EXOC6B: variants seen among roughly 807,000 people sequenced by gnomAD.
EXOC6B encodes the protein SEC15 homolog B.
A neutral mutation model predicts 113.5 loss-of-function variants in EXOC6B; 54 were observed. That is an observed-to-expected ratio of 0.48 (90% CI 0.38 to 0.60). EXOC6B has a LOEUF of 0.60. Among genes scored for constraint, EXOC6B ranks in the 20% least tolerant of loss-of-function variants. The pLI is 0.00. For missense variants in EXOC6B, 797 were observed against 977.5 expected, an observed-to-expected ratio of 0.82 and a Z score of 2.46; for synonymous variants, 357 against 339.0, an observed-to-expected ratio of 1.05 and a Z score of -0.58.
chr2:72,417,615 CTTTAA>C lies in EXOC6B; in HGVS notation c.1981-37750_1981-37746del, dbSNP rs571439796. Among the ~76,000 whole-genome samples, 393 of 152,246 alleles carry C rather than the reference CTTTAA, an allele frequency of 2.6e-3. 3 individuals carry two copies. Among genetic ancestry groups the C allele is most frequent in the African/African-American group, 8.2e-3 (342 of 41,562 alleles). ...TCTGTTATTAGTTATCCAGCATACT[CTTTAA>C]TTTTAGATTATAGTATTTTGCACAT... is the stretch of plus-strand genomic sequence containing the variant. On this transcript the variant is annotated intron_variant, in intron 18 of 21. Coordinates refer to ENST00000272427, the MANE Select transcript of EXOC6B (RefSeq NM_015189.3).
chr2:72,680,442 AG>A (rs1387248764), intron 6 of EXOC6B, among the ~76,000 whole-genome samples: 1 of 152,216 alleles, frequency 6.6e-6, no homozygotes, highest in Non-Finnish European at 1.5e-5. Context: ...CTAACAGATA[AG>A]AAGCATTTTG....
intron 1 of EXOC6B, among the ~76,000 whole-genome samples, chr2:72,815,967 T>C (rs1394701848): frequency 6.6e-6 from 1 of 152,144 alleles, no homozygotes; most frequent in Non-Finnish European, 1.5e-5. Context: ...AAAACCAGCC[T>C]GGCCAATATG....
intron 2 of EXOC6B, among the ~76,000 whole-genome samples, chr2:72,735,557 G>A (rs571305291): frequency 4.6e-5 from 7 of 152,290 alleles, no homozygotes; most frequent in East Asian, 1.9e-4. Flanking sequence ...GCTCACACCT[G>A]TAAGCCTAGC....
intron 20 of EXOC6B, among the ~76,000 whole-genome samples, chr2:72,271,020 C>T (rs1444121129): frequency 6.6e-6 from 1 of 152,124 alleles, no homozygotes; most frequent in African/African-American, 2.4e-5. Context: ...TTCTCAAGTA[C>T]ATAATTGCTT....
intron 18 of EXOC6B, among the ~76,000 whole-genome samples, chr2:72,398,091 T>C (rs983204087): frequency 2.6e-5 from 4 of 152,188 alleles, no homozygotes; most frequent in Admixed American, 2.0e-4. Flanking sequence ...AGATTAACAT[T>C]TGAATCAGTA....
At chr2:72,590,802 T>A (rs140764739) in intron 6 of EXOC6B, among the ~76,000 whole-genome samples, 99 of 152,112 alleles carry the variant, frequency 6.5e-4, no homozygotes, top group African/African-American at 2.3e-3. Flanking sequence ...AGAAGTGTCA[T>A]AGGAAAATGG....
At chr2:72,795,070 T>C (rs1684871136) in intron 1 of EXOC6B, among the ~76,000 whole-genome samples, 1 of 152,190 alleles carries the variant, frequency 6.6e-6, no homozygotes, top group South Asian at 2.1e-4. Flanking sequence ...CATACTTTTT[T>C]GTCATTTCAC....
intron 6 of EXOC6B, among the ~76,000 whole-genome samples, chr2:72,654,429 G>A (rs1674444298): frequency 6.6e-6 from 1 of 152,192 alleles, no homozygotes; most frequent in African/African-American, 2.4e-5. Flanking sequence ...AGCAGGGTTA[G>A]ACAAGACAAA....
At chr2:72,694,830 T>A (rs531654149) in intron 6 of EXOC6B, among the ~76,000 whole-genome samples, 1 of 152,338 alleles carries the variant, frequency 6.6e-6, no homozygotes, top group East Asian at 1.9e-4. Context: ...GCAAGACATT[T>A]TCTCTGTATG....
At chr2:72,547,472 A>G (rs1036192403) in intron 8 of EXOC6B, among the ~76,000 whole-genome samples, 1 of 152,220 alleles carries the variant, frequency 6.6e-6, no homozygotes, top group African/African-American at 2.4e-5. Flanking sequence ...GATGATGTAC[A>G]TAGCTGAGAT....
chr2:72,250,840 TTTTG>T (rs1340526567), intron 20 of EXOC6B, among the ~76,000 whole-genome samples: 1 of 151,890 alleles, frequency 6.6e-6, no homozygotes, highest in Non-Finnish European at 1.5e-5. Flanking sequence ...TTACTTGGGT[TTTTG>T]TTTGTTTGTT....
intron 18 of EXOC6B, among the ~76,000 whole-genome samples, chr2:72,387,972 A>C (rs910778123): frequency 6.6e-6 from 1 of 152,052 alleles, no homozygotes; most frequent in African/African-American, 2.4e-5. Context: ...ATTTTCCTCT[A>C]AGCTAGCAGT....
intron 5 of EXOC6B, among the ~76,000 whole-genome samples, chr2:72,723,563 A>T (rs753361076): frequency 1.8e-4 from 28 of 152,298 alleles, no homozygotes; most frequent in Non-Finnish European, 3.1e-4. Context: ...TTTAAAATTC[A>T]GAGTATGATA....
intron 19 of EXOC6B, among the ~76,000 whole-genome samples, chr2:72,345,035 G>C (rs1689248455): frequency 6.6e-6 from 1 of 152,046 alleles, no homozygotes; most frequent in Admixed American, 6.6e-5. Flanking sequence ...GCTCCCATAA[G>C]CTGTGGGTAA....
intron 20 of EXOC6B, among the ~76,000 whole-genome samples, chr2:72,267,910 A>T (rs185782818): frequency 1.5e-4 from 23 of 152,302 alleles, no homozygotes; most frequent in African/African-American, 5.5e-4. Context: ...TTCTAGGTAT[A>T]CTTCTAGGTA....
At chr2:72,462,345 G>T (rs1404244238) in intron 18 of EXOC6B, 1 of 152,060 alleles carries the variant, frequency 6.6e-6, no homozygotes, top group African/African-American at 2.4e-5. Context: ...TGAATTTTTA[G>T]TATGTTCTAT....
At chr2:72,816,514 G>A (rs1405593062) in intron 1 of EXOC6B, among the ~76,000 whole-genome samples, 6 of 152,032 alleles carry the variant, frequency 3.9e-5, no homozygotes, top group Non-Finnish European at 7.4e-5. Context: ...AACAACAAAC[G>A]AATAAAATGG....
chr2:72,555,511 G>A (rs1417858264), intron 8 of EXOC6B, among the ~76,000 whole-genome samples: 1 of 152,222 alleles, frequency 6.6e-6, no homozygotes, highest in Non-Finnish European at 1.5e-5. Flanking sequence ...GACCAGTGAT[G>A]ATGAGCATTT....
At chr2:72,694,839 T>C (rs940800714) in intron 6 of EXOC6B, among the ~76,000 whole-genome samples, 9 of 152,218 alleles carry the variant, frequency 5.9e-5, no homozygotes, top group African/African-American at 1.9e-4. Flanking sequence ...TTTCTCTGTA[T>C]GTCATTTGGC....
Sources: gnomAD v4.1 joint callset for allele counts (sites outside exome capture counted in the v4.1 genomes callset) on GRCh38, gnomAD v4.1.1 for gene constraint, MANE v1.5 for transcripts, NCBI Gene and HGNC (gene_info 2026-07-23, HGNC 2026-07-21) for gene names.